Variants in SLC20A2 observed in about 807,000 individuals in gnomAD.
SLC20A2 encodes sodium-dependent phosphate transporter 2.
Under a neutral mutation model 61.0 loss-of-function variants are expected in SLC20A2, and 30 were observed. The ratio of observed to expected loss-of-function variants is 0.49; its 90% CI spans 0.37 to 0.67. The LOEUF is 0.67. Among genes scored for constraint, SLC20A2 ranks in the 30% least tolerant of loss-of-function variants. The probability of loss-of-function intolerance (pLI) is 0.00; values close to 1 mark genes in which losing one functional copy is unlikely to be tolerated. For missense variants in SLC20A2, 626 were observed against 866.4 expected, an observed-to-expected ratio of 0.72 and a Z score of 3.48; for synonymous variants, 351 against 353.3, an observed-to-expected ratio of 0.99 and a Z score of 0.07.
At chr8:42,508,005 C>CA (rs952085011) in intron 1 of SLC20A2, among the ~76,000 whole-genome samples, 76 of 151,448 alleles carry the variant, frequency 5.0e-4, no homozygotes, top group Middle Eastern at 3.5e-3. Flanking sequence ...ACTAAAAATA[C>CA]AAAAAAAATT....
intron 8 of SLC20A2, among the ~76,000 whole-genome samples, chr8:42,430,577 G>T (rs1265540735): frequency 6.6e-6 from 1 of 152,114 alleles, no homozygotes; most frequent in African/African-American, 2.4e-5. Context: ...TGGCCAGGCT[G>T]GTCTCGAACC....
chr8:42,469,326 T>C (rs910130126), intron 2 of SLC20A2, among the ~76,000 whole-genome samples: 14 of 150,176 alleles, frequency 9.3e-5, no homozygotes, highest in African/African-American at 3.4e-4. Flanking sequence ...TTTAACCACA[T>C]ACCAAAAAAA....
At chr8:42,502,789 G>C (rs1192860706), upstream of SLC20A2, among the ~76,000 whole-genome samples, 2 of 152,212 alleles carry the variant, frequency 1.3e-5, no homozygotes, top group Admixed American at 6.5e-5. Context: ...AGCTGCTAAT[G>C]AACAGAATTA....
At chr8:42,512,081 A>G (rs1811065732) in intron 1 of SLC20A2, among the ~76,000 whole-genome samples, 1 of 152,200 alleles carries the variant, frequency 6.6e-6, no homozygotes, top group Non-Finnish European at 1.5e-5. Context: ...AGACTGCGAA[A>G]TAAAAGCCAA....
chr8:42,439,710 A>T, intron 6 of SLC20A2, 57 bp from the exon 7 acceptor site: 1 of 1,251,690 alleles, frequency 8.0e-7, no homozygotes, highest in Non-Finnish European at 1.2e-6. Context: ...TTATTGAAAC[A>T]TGAATATTAA....
At chr8:42,539,864 T>A (rs1812955663) in intron 1 of SLC20A2, among the ~76,000 whole-genome samples, 1 of 152,230 alleles carries the variant, frequency 6.6e-6, no homozygotes, top group Non-Finnish European at 1.5e-5. Context: ...ATTCAGCACC[T>A]AAATAAAGGG....
In SLC20A2 at chr8:42,416,545, A is replaced by G. The variant is rs1802682119; in HGVS notation, c.*1258T>C. 6.6e-6 allele frequency: 1 copy of G among 152,598 alleles called. No homozygotes were observed. The highest frequency in any genetic ancestry group is 6.5e-5 in the Admixed American group (1 of 15,280). The allele number at this position is 152,598 out of a possible 1,614,324, so 9.5% of individuals were successfully genotyped here. On this transcript the variant is annotated 3_prime_UTR_variant, in exon 11 of 11. Coordinates refer to ENST00000520262, the MANE Select transcript of SLC20A2 (RefSeq NM_001257180.2). Reference sequence around the variant, plus strand: ...GAAAAATGACAATGAAGTACCAAGAAAATGTTTGTCAATATAAAAATTTTA... The same window carrying G: ...GAAAAATGACAATGAAGTACCAAGAGAATGTTTGTCAATATAAAAATTTTA...
intron 5 of SLC20A2, among the ~76,000 whole-genome samples, chr8:42,446,128 GT>G (rs1156528002): frequency 6.6e-6 from 1 of 152,162 alleles, no homozygotes; most frequent in Non-Finnish European, 1.5e-5. Flanking sequence ...AGGAATAAGA[GT>G]TTTTTAAAAG....
In SLC20A2 at chr8:42,472,089, A is replaced by C. The variant is rs752963748; in HGVS notation, c.289+13T>G. On this transcript the variant is annotated intron_variant, in intron 2 of 10. Coordinates refer to ENST00000520262, the MANE Select transcript of SLC20A2 (RefSeq NM_001257180.2). The surrounding 1 kb of genome is among the most constrained non-coding windows in gnomAD (Gnocchi z 4.1). ...GGCGGATGTCCCATCGGTATAGAGA[A>C]GAGGCTACTCACCAACCATGGCACT... The C allele has an allele frequency of 4.3e-6, 7 of 1,611,518 alleles. No individual in the cohort carries two copies. Among genetic ancestry groups the C allele is most frequent in the Non-Finnish European group, 5.1e-6 (6 of 1,179,248 alleles).
intron 1 of SLC20A2, among the ~76,000 whole-genome samples, chr8:42,506,774 G>C (rs970770270): frequency 1.3e-5 from 2 of 152,212 alleles, no homozygotes; most frequent in African/African-American, 4.8e-5. Flanking sequence ...CGAATCATGT[G>C]TCTGGGCAGA....
intron 1 of SLC20A2, among the ~76,000 whole-genome samples, chr8:42,509,673 G>A (rs1200984791): frequency 2.0e-5 from 3 of 152,106 alleles, no homozygotes; most frequent in African/African-American, 7.2e-5. Context: ...AGGATATCTT[G>A]GGTCCAGGAG....
chr8:42,442,147 G>A (rs903937635), intron 6 of SLC20A2, among the ~76,000 whole-genome samples: 1 of 152,054 alleles, frequency 6.6e-6, no homozygotes, highest in African/African-American at 2.4e-5. Context: ...TGGCCAGGCT[G>A]ATCTCGAACT....
Position 42,472,510 on chromosome 8 carries a change from T to C in SLC20A2, c.-120A>G. The C allele has an allele frequency of 1.1e-6, 1 of 896,412 alleles. No homozygotes were observed. Among genetic ancestry groups the C allele is most frequent in the African/African-American group, 1.7e-5 (1 of 59,596 alleles). The allele number at this position is 896,412 out of a possible 1,614,324, so 55.5% of individuals were successfully genotyped here. ...TAAACAGTGAGTTTGCTCTGGAAAG[T>C]GCTGGACAATGTTAGAGGCTGGACA... On this transcript the variant is annotated 5_prime_UTR_variant, in exon 2 of 11. Coordinates refer to ENST00000520262, the MANE Select transcript of SLC20A2 (RefSeq NM_001257180.2). The surrounding 1 kb of genome is among the most constrained non-coding windows in gnomAD (Gnocchi z 4.1).
intron 1 of SLC20A2, among the ~76,000 whole-genome samples, chr8:42,532,871 C>CA (rs1337851420): frequency 2.0e-5 from 3 of 151,964 alleles, no homozygotes; most frequent in African/African-American, 7.3e-5. Flanking sequence ...CTAACAGCAG[C>CA]AAAAGACGAG....
chr8:42,540,454 G>C (rs1323458379), intron 1 of SLC20A2, among the ~76,000 whole-genome samples: 3 of 152,096 alleles, frequency 2.0e-5, no homozygotes, highest in Non-Finnish European at 4.4e-5. Flanking sequence ...TTATTTTCCT[G>C]ATTTTCCAAC....
At chr8:42,449,574 G>A (rs576745027) in intron 5 of SLC20A2, among the ~76,000 whole-genome samples, 2 of 152,092 alleles carry the variant, frequency 1.3e-5, no homozygotes, top group Non-Finnish European at 2.9e-5. Context: ...GACCAATAAG[G>A]CTTTAGTCTA....
intron 1 of SLC20A2, among the ~76,000 whole-genome samples, chr8:42,495,751 CCT>C: frequency 6.6e-6 from 1 of 151,436 alleles, no homozygotes. Context: ...GATCCCTCCC[CCT>C]TTTTTTTTTT....
intron 10 of SLC20A2, among the ~76,000 whole-genome samples, chr8:42,418,255 C>T (rs1458951923): frequency 6.6e-6 from 1 of 152,252 alleles, no homozygotes; most frequent in Admixed American, 6.5e-5. Flanking sequence ...CAACCTCCAT[C>T]TCCCAGGTTC....
intron 1 of SLC20A2, among the ~76,000 whole-genome samples, chr8:42,526,384 T>C (rs903172673): frequency 6.6e-6 from 1 of 151,214 alleles, no homozygotes; most frequent in Non-Finnish European, 1.5e-5. Context: ...CTTAGAAACA[T>C]CACAGCCGGC....
Sources: allele counts gnomAD v4.1 joint callset (sites outside exome capture counted in the v4.1 genomes callset), GRCh38; gene constraint gnomAD v4.1.1; non-coding constraint Gnocchi (gnomAD v3.1); transcripts MANE v1.5; gene names NCBI Gene and HGNC (gene_info 2026-07-23, HGNC 2026-07-21).